MNS1: variants seen among roughly 807,000 people sequenced by gnomAD.
The protein encoded by MNS1 is meiosis-specific nuclear structural protein 1.
In MNS1, 63 loss-of-function variants were observed where a neutral mutation model predicts 72.0. That is an observed-to-expected ratio of 0.87 (90% confidence interval 0.71 to 1.08). The LOEUF is 1.08. Among genes scored for constraint, MNS1 ranks in the 50% least tolerant of loss-of-function variants. The probability of loss-of-function intolerance (pLI) is 0.00; values close to 1 mark genes in which losing one functional copy is unlikely to be tolerated. For missense variants in MNS1, 604 were observed against 562.4 expected, an observed-to-expected ratio of 1.07 and a Z score of -0.75; for synonymous variants, 188 against 172.1, an observed-to-expected ratio of 1.09 and a Z score of -0.72.
At chr15:56,431,222 G>T in intron 9 of MNS1, 151 bp downstream of exon 9, 1 of 748,694 alleles carries the variant, frequency 1.3e-6, no homozygotes, top group East Asian at 2.7e-5. Flanking sequence ...AATGGGCCCA[G>T]AGAGGTTCAG....
intron 3 of MNS1, among the ~76,000 whole-genome samples, chr15:56,452,711 G>A (rs1346378740): frequency 6.6e-6 from 1 of 151,752 alleles, no homozygotes; most frequent in Non-Finnish European, 1.5e-5. Flanking sequence ...GTAGAGACGC[G>A]GTTTCACCGT....
chr15:56,429,029 G>T lies in MNS1; in HGVS notation c.*72C>A. The stretch of plus-strand genomic sequence containing the variant: ...AATGGATACCTAATGCCACTGAACT[G>T]TAAAACAAAAGTTATGCTGACATCT... On this transcript the variant is annotated 3_prime_UTR_variant, in exon 10 of 10. Coordinates refer to ENST00000260453, the MANE Select transcript of MNS1 (RefSeq NM_018365.4). 1.0e-6 allele frequency: 1 copy of T among 979,258 alleles called. No homozygotes were observed. Among genetic ancestry groups the T allele is most frequent in the Non-Finnish European group, 1.5e-6 (1 of 666,314 alleles). 60.7% of individuals were successfully genotyped at this position (979,258 alleles called of 1,614,324 possible). A position where few individuals can be genotyped will look rare whatever the true frequency, so the allele number is the denominator to read the frequency against.
chr15:56,438,494 C>T (rs1163777851), intron 7 of MNS1, among the ~76,000 whole-genome samples: 2 of 152,070 alleles, frequency 1.3e-5, no homozygotes, highest in African/African-American at 4.8e-5. Context: ...AAAATTAATT[C>T]AGGATGGATT....
At position 56,431,365 on chromosome 15, in the gene MNS1, T is replaced by C. The variant is rs1481085842; in HGVS notation, c.1395+8A>G. The C allele has an allele frequency of 6.2e-7, 1 of 1,609,254 alleles. No homozygotes were observed. Among genetic ancestry groups the C allele is most frequent in the African/African-American group, 1.3e-5 (1 of 74,772 alleles). ...TGAAGATTACAACTTGAGATAAATC[T>C]CACTTACTTTAGGGAGATAGCCTAG... On this transcript the variant is annotated splice_region_variant and intron_variant, in intron 9 of 9. Transcript: ENST00000260453.
At chr15:56,458,802 C>T (rs921036006) in intron 2 of MNS1, among the ~76,000 whole-genome samples, 2 of 152,148 alleles carry the variant, frequency 1.3e-5, no homozygotes, top group Admixed American at 6.5e-5. Flanking sequence ...CATTTTGGCA[C>T]TGAATAATAT....
At chr15:56,448,222 A>G (rs1407834466) in intron 3 of MNS1, among the ~76,000 whole-genome samples, 2 of 152,202 alleles carry the variant, frequency 1.3e-5, no homozygotes, top group African/African-American at 4.8e-5. Context: ...GAAGCTGCCA[A>G]ACTGTCTACT....
At chr15:56,463,089 C>G (rs1381029684) in intron 2 of MNS1, among the ~76,000 whole-genome samples, 1 of 152,156 alleles carries the variant, frequency 6.6e-6, no homozygotes, top group Non-Finnish European at 1.5e-5. Flanking sequence ...TCAAAAACTA[C>G]TGACATATCA....
At chr15:56,457,650 T>C (rs2050989880) in intron 2 of MNS1, among the ~76,000 whole-genome samples, 2 of 152,090 alleles carry the variant, frequency 1.3e-5, no homozygotes, top group Non-Finnish European at 2.9e-5. Context: ...AGAGAGGTGC[T>C]GTCCTTACAG....
chr15:56,444,653 G>C lies in MNS1; in HGVS notation c.477C>G (p.Ala159=). 2 of 1,610,184 alleles carry C rather than the reference G, an allele frequency of 1.2e-6. No individual in the cohort carries two copies. Among genetic ancestry groups the C allele is most frequent in the Non-Finnish European group, 1.7e-6 (2 of 1,178,876 alleles). Residue 159 remains alanine, a synonymous_variant, in exon 5 of 10, where the codon GCC becomes GCG. Transcript: ENST00000260453. ...YEQMKRDAEI[A]KTMMEEHKRI... is the part of the protein sequence containing the mutation. ...TCTTGTGTTCTTCCATCATGGTTTT[G>C]GCTATTTCAGCATCACGTTTCTGTT...
intron 7 of MNS1, 139 bp downstream of exon 7, chr15:56,443,289 CTG>C: frequency 1.9e-6 from 1 of 529,082 alleles, no homozygotes; most frequent in Non-Finnish European, 3.0e-6. Context: ...TTGAAAATTT[CTG>C]TCTTTTAACT....
intron 3 of MNS1, among the ~76,000 whole-genome samples, chr15:56,452,739 C>T (rs1335875279): frequency 1.3e-5 from 2 of 151,972 alleles, no homozygotes; most frequent in Admixed American, 6.6e-5. Flanking sequence ...AGGATGGTCT[C>T]GATCTCCTGA....
At position 56,429,020 on chromosome 15, in the gene MNS1, C is replaced by T; in HGVS notation, c.*81G>A. ...CAAACAGACAATGGATACCTAATGC[C>T]ACTGAACTGTAAAACAAAAGTTATG... On this transcript the variant is annotated 3_prime_UTR_variant, in exon 10 of 10. Transcript: ENST00000260453. 1 of 772,306 alleles carries T rather than the reference C, an allele frequency of 1.3e-6. No individual in the cohort carries two copies. Among genetic ancestry groups the T allele is most frequent in the Non-Finnish European group, 2.0e-6 (1 of 488,192 alleles). 47.8% of individuals were successfully genotyped at this position (772,306 alleles called of 1,614,324 possible).
chr15:56,435,986 A>T (rs766914957), intron 7 of MNS1, among the ~76,000 whole-genome samples: 1 of 152,100 alleles, frequency 6.6e-6, no homozygotes, highest in South Asian at 2.1e-4. Context: ...GACTGGTTCA[A>T]TACTCAAAAA....
chr15:56,463,272 A>C (rs753675676), intron 2 of MNS1, among the ~76,000 whole-genome samples: 6 of 152,126 alleles, frequency 3.9e-5, no homozygotes, highest in Non-Finnish European at 8.8e-5. Context: ...GGCACCCCTA[A>C]ATTTTTGTTT....
At chr15:56,440,655 T>C (rs956730997) in intron 7 of MNS1, among the ~76,000 whole-genome samples, 3 of 152,196 alleles carry the variant, frequency 2.0e-5, no homozygotes, top group South Asian at 2.1e-4. Flanking sequence ...AAATGATCAA[T>C]ACAAGCAACT....
At chr15:56,459,525 T>A (rs1374203610) in intron 2 of MNS1, among the ~76,000 whole-genome samples, 2 of 152,170 alleles carry the variant, frequency 1.3e-5, no homozygotes, top group Non-Finnish European at 1.5e-5. Flanking sequence ...GAAACTGAGA[T>A]AATAAATGGG....
At chr15:56,430,705 T>G (rs2050566004) in intron 9 of MNS1, among the ~76,000 whole-genome samples, 1 of 152,112 alleles carries the variant, frequency 6.6e-6, no homozygotes, top group South Asian at 2.1e-4. Context: ...CTTTGGCATG[T>G]AAGTACTACA....
At chr15:56,453,573 A>G (rs1369336747) in intron 3 of MNS1, among the ~76,000 whole-genome samples, 1 of 152,052 alleles carries the variant, frequency 6.6e-6, no homozygotes, top group East Asian at 1.9e-4. Context: ...TAAATGAGAT[A>G]TGAGGTACTT....
intron 3 of MNS1, among the ~76,000 whole-genome samples, chr15:56,448,681 C>G (rs185640741): frequency 4.0e-5 from 6 of 151,694 alleles, no homozygotes; most frequent in African/African-American, 1.2e-4. Context: ...TTATGAATAG[C>G]ACAGCAATAA....
Sources: gnomAD v4.1 joint callset for allele counts (sites outside exome capture counted in the v4.1 genomes callset) on GRCh38, gnomAD v4.1.1 for gene constraint, MANE v1.5 for transcripts, NCBI Gene and HGNC (gene_info 2026-07-23, HGNC 2026-07-21) for gene names.